Variants in RASA2 observed in about 807,000 individuals in gnomAD.
RASA2 encodes the protein ras GTPase-activating protein 2.
Under a neutral mutation model 118.2 loss-of-function variants are expected in RASA2, and 155 were observed. The observed-to-expected ratio is 1.31, with a 90% CI of 1.15 to 1.50. The LOEUF (loss-of-function observed/expected upper bound fraction) is 1.50, where lower values mean the gene tolerates loss of function less well. Among genes scored for constraint, RASA2 ranks in the 40% most tolerant of loss-of-function variants. The probability of loss-of-function intolerance (pLI) is 0.00; values close to 1 mark genes in which losing one functional copy is unlikely to be tolerated. For synonymous variants in RASA2, 353 were observed against 349.1 expected (o/e 1.01, Z -0.12); for missense variants, 1,016 against 1,009.6 (o/e 1.01, Z -0.09).
Position 141,612,527 on chromosome 3 carries a change from C to T in RASA2, c.*214C>T, listed in dbSNP as rs187533100. ...AGAATTTAAAGCCCAAGATTCCCTT[C>T]ATACCTGTGTGACCAAATCCATGTT... On this transcript the variant is annotated 3_prime_UTR_variant, in exon 24 of 24. Coordinates refer to ENST00000286364, the MANE Select transcript of RASA2 (RefSeq NM_006506.5). 8.4e-5 allele frequency: 37 copies of T among 438,796 alleles called. No individual in the cohort carries two copies. The highest frequency in any genetic ancestry group is 7.2e-4 in the African/African-American group (35 of 48,304). The allele number at this position is 438,796 out of a possible 1,614,324, so 27.2% of individuals were successfully genotyped here.
chr3:141,612,132 GGTCA>G (rs2083662346), intron 23 of RASA2, 147 bp from the exon 24 acceptor site: 1 of 633,720 alleles, frequency 1.6e-6, no homozygotes, highest in Admixed American at 3.2e-5. Flanking sequence ...TTGAATAGGT[GGTCA>G]GTAAGTACTC....
At chr3:141,556,806 T>G (rs746175619) in intron 7 of RASA2, among the ~76,000 whole-genome samples, 4 of 152,026 alleles carry the variant, frequency 2.6e-5, no homozygotes, top group African/African-American at 9.7e-5. Context: ...CCTCTAGTCA[T>G]GCCTGATTGC....
chr3:141,609,732 T>C, intron 22 of RASA2, 145 bp from the exon 23 acceptor site: 1 of 794,854 alleles, frequency 1.3e-6, no homozygotes. Flanking sequence ...TCCTAATAAA[T>C]AAAATGTATA....
At chr3:141,544,342 A>G (rs1201339842) in intron 5 of RASA2, among the ~76,000 whole-genome samples, 1 of 151,970 alleles carries the variant, frequency 6.6e-6, no homozygotes, top group African/African-American at 2.4e-5. Context: ...ATTCTTTATC[A>G]CCTCTGCTAT....
At chr3:141,491,187 AT>A (rs2081636234) in intron 1 of RASA2, among the ~76,000 whole-genome samples, 1 of 152,028 alleles carries the variant, frequency 6.6e-6, no homozygotes. Context: ...TCCACTATCC[AT>A]TGTATACAGG....
At chr3:141,527,738 G>T (rs1451929818) in intron 3 of RASA2, among the ~76,000 whole-genome samples, 2 of 151,958 alleles carry the variant, frequency 1.3e-5, no homozygotes, top group African/African-American at 4.8e-5. Flanking sequence ...CAGAGATTTG[G>T]ATGATTTGTC....
At position 141,550,375 on chromosome 3, in the gene RASA2, A is replaced by C. The variant is rs192814910; in HGVS notation, c.528-3482A>C. On this transcript the variant is annotated intron_variant, in intron 5 of 23. Coordinates refer to ENST00000286364, the MANE Select transcript of RASA2 (RefSeq NM_006506.5). ...TACAAAATAACTGGCCAATACTGGC[A>C]AGATCACGGGGCAAAGAAGGAAAAC... Among the ~76,000 whole-genome samples, 235 of 152,374 alleles carry C rather than the reference A, an allele frequency of 1.5e-3. 1 individual carries two copies. Among genetic ancestry groups the C allele is most frequent in the Admixed American group, 5.4e-3 (82 of 15,308 alleles).
intron 19 of RASA2, among the ~76,000 whole-genome samples, chr3:141,599,315 A>G (rs2083427166): frequency 6.7e-6 from 1 of 149,778 alleles, no homozygotes; most frequent in South Asian, 2.1e-4. Flanking sequence ...AGGGCATAAC[A>G]TTTTCACAAG....
At chr3:141,514,206 TAACTC>T (rs2081991542) in intron 2 of RASA2, among the ~76,000 whole-genome samples, 1 of 152,256 alleles carries the variant, frequency 6.6e-6, no homozygotes, top group Admixed American at 6.5e-5. Flanking sequence ...AAAACCCTGA[TAACTC>T]AAAAGAAGAC....
intron 5 of RASA2, among the ~76,000 whole-genome samples, chr3:141,551,263 A>T (rs188013383): frequency 1.6e-4 from 25 of 152,304 alleles, no homozygotes; most frequent in Admixed American, 9.8e-4. Context: ...CTTTTGTTAA[A>T]CAGACAAGCA....
chr3:141,522,282 A>G (rs1271466664), intron 3 of RASA2, among the ~76,000 whole-genome samples: 5 of 152,116 alleles, frequency 3.3e-5, no homozygotes, highest in Admixed American at 3.3e-4. Context: ...ATCAGTCAGT[A>G]GAGATGGACC....
chr3:141,529,872 T>A (rs2082236297), intron 4 of RASA2, 70 bp downstream of exon 4: 9 of 1,219,472 alleles, frequency 7.4e-6, no homozygotes, highest in Non-Finnish European at 1.1e-5. Flanking sequence ...CTAATTAAAC[T>A]GGTTCATGTA....
rs112697781 is a variant in RASA2, at chr3:141,572,810, T to G, written c.1284+87T>G. 13 of 1,042,342 alleles carry G rather than the reference T, an allele frequency of 1.2e-5. No homozygotes were observed. The African/African-American group carries it at 1.5e-4, about 12-fold the overall frequency. The allele number at this position is 1,042,342 out of a possible 1,614,324, so 64.6% of individuals were successfully genotyped here. ...GTGATCTATTGATGGGAAGGATTTA[T>G]TCATTCATGTGTTACTGAAAAAATA... On this transcript the variant is annotated intron_variant, in intron 12 of 23. Transcript: ENST00000286364.
intron 2 of RASA2, among the ~76,000 whole-genome samples, chr3:141,512,785 G>A (rs775882361): frequency 8.5e-5 from 13 of 152,174 alleles, no homozygotes; most frequent in Non-Finnish European, 1.5e-4. Context: ...TAAGGAGGCC[G>A]GGCGTGGTGG....
intron 5 of RASA2, among the ~76,000 whole-genome samples, chr3:141,546,318 G>A (rs1225565466): frequency 2.0e-5 from 3 of 152,092 alleles, no homozygotes; most frequent in African/African-American, 7.2e-5. Context: ...AGTGTACAAG[G>A]GTTCCCTTTT....
At chr3:141,571,103 G>C (rs780498246) in intron 10 of RASA2, 35 bp downstream of exon 10, 19 of 1,546,084 alleles carry the variant, frequency 1.2e-5, no homozygotes, top group Non-Finnish European at 1.7e-5. Context: ...GATTTAACAC[G>C]AAACGGCTAA....
chr3:141,502,093 A>G lies in RASA2; in HGVS notation c.134-10070A>G, dbSNP rs1219523134. Among the ~76,000 whole-genome samples, 3 of 152,292 alleles carry G rather than the reference A, an allele frequency of 2.0e-5. No homozygotes were observed. The East Asian group carries it at 5.8e-4, about 29-fold the overall frequency. ...CAGATTTTCAGATTTGGGATGCACAACTGGTAAGTATATATAATGCAACAT... is the reference window on the plus strand; with the variant it reads ...CAGATTTTCAGATTTGGGATGCACAGCTGGTAAGTATATATAATGCAACAT... On this transcript the variant is annotated intron_variant, in intron 1 of 23. Coordinates refer to ENST00000286364, the MANE Select transcript of RASA2 (RefSeq NM_006506.5).
At chr3:141,563,528 C>T (rs922708019) in intron 9 of RASA2, among the ~76,000 whole-genome samples, 6 of 152,222 alleles carry the variant, frequency 3.9e-5, no homozygotes, top group African/African-American at 1.4e-4. Context: ...AATAGTTATA[C>T]ATCACATATA....
intron 1 of RASA2, among the ~76,000 whole-genome samples, chr3:141,492,610 A>G (rs1407322585): frequency 2.0e-5 from 3 of 152,238 alleles, no homozygotes; most frequent in Non-Finnish European, 4.4e-5. Flanking sequence ...TTGTAAAATT[A>G]GAGGTTTGGA....
Sources: gnomAD v4.1 joint callset for allele counts (sites outside exome capture counted in the v4.1 genomes callset) on GRCh38, gnomAD v4.1.1 for gene constraint, MANE v1.5 for transcripts, NCBI Gene and HGNC (gene_info 2026-07-23, HGNC 2026-07-21) for gene names.